The following CCDC149 variants were observed in gnomAD, a reference collection of about 807,000 sequenced individuals.
The protein encoded by CCDC149 is coiled-coil domain-containing protein 149.
In CCDC149, 45 loss-of-function variants were observed where a neutral mutation model predicts 59.9. The observed-to-expected ratio is 0.75, with a 90% CI of 0.59 to 0.96. CCDC149 has a LOEUF of 0.96. Ranked by LOEUF, CCDC149 falls within the 40% of genes least tolerant of loss-of-function variation. The pLI is 0.00. For synonymous variants in CCDC149, 245 were observed against 260.6 expected (o/e 0.94, Z 0.58); for missense variants, 584 against 664.7 (o/e 0.88, Z 1.33).
At chr4:24,817,006 C>T (rs906368111) in intron 12 of CCDC149, among the ~76,000 whole-genome samples, 2 of 152,158 alleles carry the variant, frequency 1.3e-5, no homozygotes, top group African/African-American at 4.8e-5. Flanking sequence ...ACGCTGACAG[C>T]CACGGCGTAA....
rs5856868 is a variant in CCDC149 at position 24,874,244 on chromosome 4, G to GTTTTTTTTTTTTT, written c.226-538_226-526dup. ...GAGAACTTCTAGTCCTATTAGATTT[G>GTTTTTTTTTTTTT]TTTTTTTTTTTTTTTGTTTTGTTTT... On this transcript the variant is annotated intron_variant, in intron 2 of 12. Transcript: ENST00000635206. 9.4e-4 allele frequency among the ~76,000 whole-genome samples: 82 copies of GTTTTTTTTTTTTT among 87,484 alleles called. 19 individuals are homozygous for GTTTTTTTTTTTTT. The highest frequency in any genetic ancestry group is 4.4e-3 in the African/African-American group (75 of 17,170). The allele number at this position is 87,484 out of a possible 152,430, so 57.4% of individuals were successfully genotyped here.
At chr4:24,896,478 A>G (rs1251341642) in intron 1 of CCDC149, among the ~76,000 whole-genome samples, 1 of 152,238 alleles carries the variant, frequency 6.6e-6, no homozygotes, top group African/African-American at 2.4e-5. Flanking sequence ...TAACCTTTGG[A>G]GCAAGCTTGA....
chr4:24,825,238 G>A (rs927391077), intron 9 of CCDC149, among the ~76,000 whole-genome samples: 4 of 152,168 alleles, frequency 2.6e-5, no homozygotes, highest in African/African-American at 9.7e-5. Flanking sequence ...GAGACAGACC[G>A]ATGCATACAC....
At chr4:24,878,292 C>T (rs185004944) in intron 1 of CCDC149, among the ~76,000 whole-genome samples, 168 of 150,154 alleles carry the variant, frequency 1.1e-3, no homozygotes, top group Non-Finnish European at 2.0e-3. Context: ...CATTCTGAGA[C>T]GGATTTGAGT....
intron 1 of CCDC149, among the ~76,000 whole-genome samples, chr4:24,969,838 C>T (rs926737097): frequency 9.2e-5 from 14 of 152,188 alleles, no homozygotes; most frequent in Non-Finnish European, 2.9e-5. Flanking sequence ...CAGTGGTTGG[C>T]CATTGTAGCT....
At chr4:24,913,461 A>T (rs1253684101), upstream of CCDC149, among the ~76,000 whole-genome samples, 1 of 152,290 alleles carries the variant, frequency 6.6e-6, no homozygotes, top group Non-Finnish European at 1.5e-5. Flanking sequence ...AGAATGAATG[A>T]ACCACGTTTT....
chr4:24,979,435 G>C (rs534034459), intron 1 of CCDC149, among the ~76,000 whole-genome samples: 2 of 152,338 alleles, frequency 1.3e-5, no homozygotes, highest in East Asian at 3.9e-4. Flanking sequence ...AGAAGACATG[G>C]AGAGAAGTGG....
At chr4:24,920,621 G>A (rs1722258333) in intron 1 of CCDC149, among the ~76,000 whole-genome samples, 1 of 152,178 alleles carries the variant, frequency 6.6e-6, no homozygotes, top group Non-Finnish European at 1.5e-5. Context: ...ACCTCTAGAT[G>A]GTCATAGAAT....
chr4:24,832,413 G>A (rs1487196167), intron 8 of CCDC149, among the ~76,000 whole-genome samples: 1 of 152,118 alleles, frequency 6.6e-6, no homozygotes, highest in Non-Finnish European at 1.5e-5. Context: ...AAAACTAGCT[G>A]TTCTTGGATA....
chr4:24,862,380 C>A (rs61792823), intron 3 of CCDC149, among the ~76,000 whole-genome samples: 1 of 152,302 alleles, frequency 6.6e-6, no homozygotes, highest in African/African-American at 2.4e-5. Flanking sequence ...CCAGCCGTGG[C>A]GGCCAGAAGT....
chr4:24,948,090 T>C (rs1414716128), intron 1 of CCDC149, among the ~76,000 whole-genome samples: 1 of 151,976 alleles, frequency 6.6e-6, no homozygotes, highest in Non-Finnish European at 1.5e-5. Context: ...GGCGTAGGAG[T>C]GGCAGGCAGT....
intron 4 of CCDC149, among the ~76,000 whole-genome samples, chr4:24,851,066 G>GC (rs1374452521): frequency 1.3e-5 from 2 of 152,036 alleles, no homozygotes; most frequent in Non-Finnish European, 2.9e-5. Flanking sequence ...TTCTTTACAG[G>GC]CCATGAATAG....
chr4:24,836,239 C>G (rs753954037), intron 7 of CCDC149, among the ~76,000 whole-genome samples, 197 bp downstream of exon 7: 2 of 152,186 alleles, frequency 1.3e-5, no homozygotes, highest in Non-Finnish European at 2.9e-5. Flanking sequence ...GGAGCTCTTG[C>G]GAAAAGCTGC....
chr4:24,831,715 T>C, intron 8 of CCDC149, 65 bp from the exon 9 acceptor site: 1 of 1,446,034 alleles, frequency 6.9e-7, no homozygotes. Context: ...TGCAAACCAA[T>C]GTCAATCCTT....
At chr4:24,946,392 G>A (rs1274821450) in intron 1 of CCDC149, among the ~76,000 whole-genome samples, 1 of 152,048 alleles carries the variant, frequency 6.6e-6, no homozygotes, top group Non-Finnish European at 1.5e-5. Context: ...TCCTTGAAGT[G>A]GTCTGTACTT....
chr4:24,877,006 T>A (rs893233435), intron 1 of CCDC149, among the ~76,000 whole-genome samples: 1 of 152,110 alleles, frequency 6.6e-6, no homozygotes, highest in Non-Finnish European at 1.5e-5. Flanking sequence ...GATTTATATA[T>A]CCAGATAAGA....
intron 1 of CCDC149, among the ~76,000 whole-genome samples, chr4:24,919,285 C>T (rs112632443): frequency 6.6e-6 from 1 of 152,288 alleles, no homozygotes; most frequent in Non-Finnish European, 1.5e-5. Context: ...GTCCTCAAGG[C>T]TTTTGGAGTA....
At chr4:24,930,188 C>T (rs1482669526) in intron 1 of CCDC149, among the ~76,000 whole-genome samples, 1 of 152,216 alleles carries the variant, frequency 6.6e-6, no homozygotes, top group Non-Finnish European at 1.5e-5. Flanking sequence ...TGCATTAAAT[C>T]TCCATGCATG....
downstream of CCDC149, among the ~76,000 whole-genome samples, chr4:24,804,799 C>T (rs1295990599): frequency 1.3e-5 from 2 of 152,118 alleles, no homozygotes; most frequent in South Asian, 2.1e-4. Flanking sequence ...TTTTCTAGCA[C>T]TTTGCATCGT....
Sources: gnomAD v4.1 joint callset for allele counts (sites outside exome capture counted in the v4.1 genomes callset) on GRCh38, gnomAD v4.1.1 for gene constraint, MANE v1.5 for transcripts, NCBI Gene and HGNC (gene_info 2026-07-23, HGNC 2026-07-21) for gene names.